Variants in ATP11C observed in about 807,000 individuals in gnomAD.
The protein encoded by ATP11C is phospholipid-transporting ATPase IG.
Under a neutral mutation model 97.4 loss-of-function variants are expected in ATP11C, and 36 were observed. That is an observed-to-expected ratio of 0.37 (90% CI 0.28 to 0.49). ATP11C has a LOEUF of 0.49. ATP11C is among the 20% of genes least tolerant of loss of function. The pLI, the probability that ATP11C is intolerant of heterozygous loss-of-function variation, is 0.98. For synonymous variants in ATP11C, 275 were observed against 290.9 expected, an observed-to-expected ratio of 0.95 and a Z score of 0.56; for missense variants, 730 against 824.6, an observed-to-expected ratio of 0.89 and a Z score of 1.40.
rs1415537953 is a variant in ATP11C, at chrX:139,835,025, T to C, written c.28-8202A>G. Among the ~76,000 whole-genome samples the C allele has an allele frequency of 2.7e-5, 3 of 112,161 alleles. No homozygotes were observed. In the Admixed American group the frequency reaches 2.8e-4, roughly 11 times the overall value. ...CAATGCTACTGTAATATACCTCTTA[T>C]CTCAGCAAACATGTCTACATATCTG... On this transcript the variant is annotated intron_variant, in intron 1 of 29. Coordinates refer to ENST00000682941, the MANE Select transcript of ATP11C (RefSeq NM_001353812.2).
At chrX:139,821,176 C>T (rs1454529118) in intron 2 of ATP11C, among the ~76,000 whole-genome samples, 3 of 112,078 alleles carry the variant, frequency 2.7e-5, no homozygotes, top group African/African-American at 9.7e-5. Flanking sequence ...AGCTGCATTA[C>T]AACCAATAAC....
rs187427603 is a variant in ATP11C, at chrX:139,752,202, C to T, written c.2701-2050G>A. On this transcript the variant is annotated intron_variant, in intron 23 of 29. Transcript: ENST00000682941. ...GTCTAAAACGGCAGCTCTCTCTCTCCCAGTCACACTCTATCCCTTTATTAT... is the reference window on the plus strand; with the variant it reads ...GTCTAAAACGGCAGCTCTCTCTCTCTCAGTCACACTCTATCCCTTTATTAT... Among the ~76,000 whole-genome samples the T allele has an allele frequency of 5.7e-3, 628 of 111,117 alleles. 10 individuals carry two copies. Among genetic ancestry groups the T allele is most frequent in the African/African-American group, 0.019 (577 of 30,524 alleles).
At chrX:139,894,423 G>C (rs1053819543) in intron 1 of ATP11C, among the ~76,000 whole-genome samples, 7 of 112,060 alleles carry the variant, frequency 6.2e-5, no homozygotes, top group Admixed American at 1.9e-4. Context: ...TCATTCATAT[G>C]TGAGAGCTAC....
At chrX:139,751,558 T>C (rs887454580) in intron 23 of ATP11C, among the ~76,000 whole-genome samples, 9 of 112,086 alleles carry the variant, frequency 8.0e-5, no homozygotes, top group Admixed American at 9.4e-5. Flanking sequence ...ATGAGTAAAT[T>C]TAAAAAATAC....
At chrX:139,924,301 AAAGGAATGACCCATAATCTAG>A in intron 1 of ATP11C, 1 of 362,355 alleles carries the variant, frequency 2.8e-6, no homozygotes, top group South Asian at 2.5e-5. Flanking sequence ...GACAGTATGA[AAAGGAATGACCCATAATCTAG>A]AAGCATGGCT....
chrX:139,739,827 T>C (rs1297902817), intron 27 of ATP11C, among the ~76,000 whole-genome samples: 1 of 111,658 alleles, frequency 9.0e-6, no homozygotes, highest in East Asian at 2.8e-4. Context: ...TATGGTATGT[T>C]CTTAATCAAC....
chrX:139,783,260 T>C lies in ATP11C; in HGVS notation c.1674A>G (p.Ile558Met), dbSNP rs898617886. 1 of 1,186,335 alleles carries C rather than the reference T, an allele frequency of 8.4e-7. No individual in the cohort carries two copies. The highest frequency in any genetic ancestry group is 1.7e-5 in the African/African-American group (1 of 57,254). ...AGTCTGCTCCTTTACAAAAGAGAAG[T>C]ATGTCTCCTAAAATAAAGAACCATA... ...SVIVKTQEGD[I>M]LLFCKGADSA... Residue 558 changes from isoleucine (I) to methionine (M), a missense_variant, in exon 17 of 30, where the codon ATA (isoleucine) becomes ATG (methionine). Coordinates refer to ENST00000682941, the MANE Select transcript of ATP11C (RefSeq NM_001353812.2).
chrX:139,844,653 CT>C (rs2083884635), intron 1 of ATP11C, among the ~76,000 whole-genome samples: 3 of 111,997 alleles, frequency 2.7e-5, no homozygotes, highest in South Asian at 3.7e-4. Context: ...AATCAATAAT[CT>C]GTGTGTGTGT....
intron 25 of ATP11C, among the ~76,000 whole-genome samples, chrX:139,744,340 T>C (rs2081635413): frequency 8.9e-6 from 1 of 112,372 alleles, no homozygotes; most frequent in South Asian, 3.7e-4. Flanking sequence ...AAGTAATTCA[T>C]ACACTTACTG....
intron 29 of ATP11C, among the ~76,000 whole-genome samples, chrX:139,730,669 T>C (rs1040974962): frequency 9.0e-6 from 1 of 111,187 alleles, no homozygotes; most frequent in Non-Finnish European, 1.9e-5. Context: ...TAACCCACAA[T>C]TGTATTCATG....
chrX:139,886,386 T>C (rs1010612994), intron 1 of ATP11C, among the ~76,000 whole-genome samples: 4 of 110,242 alleles, frequency 3.6e-5, no homozygotes, highest in African/African-American at 1.3e-4. Context: ...GTCAAGAGAT[T>C]GAGGCCATCC....
chrX:139,781,811 T>G (rs947898997), intron 18 of ATP11C, among the ~76,000 whole-genome samples: 4 of 112,242 alleles, frequency 3.6e-5, no homozygotes, highest in Admixed American at 1.9e-4. Context: ...TAAGCTCTCA[T>G]GTTGTTCACT....
At chrX:139,846,866 G>A (rs2083916509) in intron 1 of ATP11C, among the ~76,000 whole-genome samples, 1 of 107,644 alleles carries the variant, frequency 9.3e-6, no homozygotes, top group African/African-American at 3.4e-5. Context: ...TGGTGGAAGC[G>A]ACTGACCAGT....
At chrX:139,750,405 C>G (rs1316324200) in intron 23 of ATP11C, among the ~76,000 whole-genome samples, 1 of 111,585 alleles carries the variant, frequency 9.0e-6, no homozygotes, top group African/African-American at 3.3e-5. Flanking sequence ...ATGCTATAAG[C>G]TGCATTTCTA....
intron 8 of ATP11C, among the ~76,000 whole-genome samples, chrX:139,799,159 G>GA (rs1175280973): frequency 9.0e-6 from 1 of 111,430 alleles, no homozygotes; most frequent in Non-Finnish European, 1.9e-5. Flanking sequence ...CCTTTTGGGG[G>GA]ATCACTGGGG....
At chrX:139,834,702 A>G (rs2083721117) in intron 1 of ATP11C, among the ~76,000 whole-genome samples, 1 of 112,123 alleles carries the variant, frequency 8.9e-6, no homozygotes, top group African/African-American at 3.2e-5. Context: ...GAGTACTGCC[A>G]ACTAGGAATG....
At chrX:139,915,002 G>A (rs1031928255) in intron 1 of ATP11C, among the ~76,000 whole-genome samples, 4 of 111,903 alleles carry the variant, frequency 3.6e-5, no homozygotes, top group Non-Finnish European at 7.5e-5. Flanking sequence ...CTGTTATGAT[G>A]ATTAAAAGGC....
intron 3 of ATP11C, among the ~76,000 whole-genome samples, chrX:139,818,182 A>G (rs2083328083): frequency 8.9e-6 from 1 of 112,065 alleles, no homozygotes; most frequent in Admixed American, 9.5e-5. Flanking sequence ...TCTTGGGTAG[A>G]AAAAAATGAT....
intron 1 of ATP11C, among the ~76,000 whole-genome samples, chrX:139,917,179 A>C (rs1436281679): frequency 8.9e-6 from 1 of 112,025 alleles, no homozygotes; most frequent in African/African-American, 3.2e-5. Context: ...TTGAAGATCT[A>C]CATGTAAGAC....
Sources: allele counts gnomAD v4.1 joint callset (sites outside exome capture counted in the v4.1 genomes callset), GRCh38; gene constraint gnomAD v4.1.1; transcripts MANE v1.5; gene names NCBI Gene and HGNC (gene_info 2026-07-23, HGNC 2026-07-21).